SIK3: variants seen among roughly 807,000 people sequenced by gnomAD.
SIK3 encodes the protein serine/threonine-protein kinase SIK3.
A neutral mutation model predicts 144.2 loss-of-function variants in SIK3; 28 were observed. The ratio of observed to expected loss-of-function variants is 0.19; its 90% CI spans 0.14 to 0.27. The LOEUF (loss-of-function observed/expected upper bound fraction) is 0.27, where lower values mean the gene tolerates loss of function less well. Among genes scored for constraint, SIK3 ranks in the 10% least tolerant of loss-of-function variants. The pLI is 1.00. For missense variants in SIK3, 1,319 were observed against 1,776.0 expected (o/e 0.74, Z 4.62); for synonymous variants, 686 against 676.3 (o/e 1.01, Z -0.22).
In SIK3 at chr11:117,035,873, G is replaced by A. The variant is rs1052966147; in HGVS notation, c.273+62270C>T. 3.1e-6 allele frequency: 5 copies of A among 1,595,972 alleles called. No homozygotes were observed. The African/African-American group carries it at 6.7e-5, about 21-fold the overall frequency. ...TCCTGTAGGCTGGCAGAGGACAGTG[G>A]AGCAGCCAACACACAAAACTACCGT... On this transcript the variant is annotated intron_variant, in intron 1 of 24. Coordinates refer to ENST00000445177, the MANE Select transcript of SIK3 (RefSeq NM_001366686.3).
intron 1 of SIK3, among the ~76,000 whole-genome samples, chr11:117,060,921 T>C (rs1351725547): frequency 6.6e-6 from 1 of 152,164 alleles, no homozygotes; most frequent in East Asian, 1.9e-4. Flanking sequence ...CCGTACTTTC[T>C]GCTCAACTTT....
At chr11:116,891,891 G>A (rs892903114) in intron 6 of SIK3, among the ~76,000 whole-genome samples, 1 of 152,172 alleles carries the variant, frequency 6.6e-6, no homozygotes, top group Non-Finnish European at 1.5e-5. Flanking sequence ...GGGTTGAATT[G>A]ACAGGATTTG....
intron 4 of SIK3, 66 bp downstream of exon 4, chr11:116,927,153 C>T: frequency 1.7e-6 from 2 of 1,208,658 alleles, no homozygotes; most frequent in South Asian, 3.1e-5. Context: ...CAGATAATCC[C>T]TTGCTTATAG....
At chr11:117,058,223 T>C (rs1252609389) in intron 1 of SIK3, among the ~76,000 whole-genome samples, 5 of 152,032 alleles carry the variant, frequency 3.3e-5, no homozygotes, top group African/African-American at 7.2e-5. Flanking sequence ...CCTGTTAAAC[T>C]TAAGAATTTT....
intron 4 of SIK3, among the ~76,000 whole-genome samples, chr11:116,921,859 T>C (rs1246105849): frequency 6.6e-6 from 1 of 151,110 alleles, no homozygotes; most frequent in African/African-American, 2.4e-5. Context: ...GAAACAGAAC[T>C]AGAACAAAAA....
At chr11:117,084,212 GTC>G (rs1954908389) in intron 1 of SIK3, among the ~76,000 whole-genome samples, 1 of 152,106 alleles carries the variant, frequency 6.6e-6, no homozygotes, top group Non-Finnish European at 1.5e-5. Flanking sequence ...AATAACAGCT[GTC>G]TCTTACTCTT....
intron 4 of SIK3, among the ~76,000 whole-genome samples, chr11:116,906,338 GA>G (rs1235024035): frequency 6.6e-6 from 1 of 151,666 alleles, no homozygotes; most frequent in Admixed American, 6.6e-5. Flanking sequence ...GGTTTGGGAA[GA>G]AAAAAAATTA....
chr11:117,049,301 G>A (rs1377997625), intron 1 of SIK3, among the ~76,000 whole-genome samples: 3 of 152,094 alleles, frequency 2.0e-5, no homozygotes, highest in Admixed American at 6.5e-5. Flanking sequence ...TTTCCATCTG[G>A]ACGCAGTGGC....
intron 1 of SIK3, among the ~76,000 whole-genome samples, chr11:117,003,917 C>T (rs947826120): frequency 6.6e-6 from 1 of 152,106 alleles, no homozygotes; most frequent in Non-Finnish European, 1.5e-5. Flanking sequence ...TTAAAACAAA[C>T]AAACAAAAAA....
At chr11:116,955,195 C>T (rs1174926837) in intron 2 of SIK3, among the ~76,000 whole-genome samples, 2 of 152,022 alleles carry the variant, frequency 1.3e-5, no homozygotes, top group East Asian at 1.9e-4. Context: ...ATTAGGAGTT[C>T]GAGACCAGCC....
At chr11:117,092,136 T>C (rs547702455) in intron 1 of SIK3, among the ~76,000 whole-genome samples, 2 of 152,204 alleles carry the variant, frequency 1.3e-5, no homozygotes, top group African/African-American at 4.8e-5. Context: ...TGATACTCTC[T>C]GATGTCACCC....
intron 1 of SIK3, among the ~76,000 whole-genome samples, chr11:117,056,289 A>C (rs1342796052): frequency 6.6e-6 from 1 of 151,968 alleles, no homozygotes; most frequent in Non-Finnish European, 1.5e-5. Context: ...AAAATCAAAC[A>C]CCGCATGTTC....
At chr11:116,909,680 T>C (rs1946235746) in intron 4 of SIK3, among the ~76,000 whole-genome samples, 1 of 152,192 alleles carries the variant, frequency 6.6e-6, no homozygotes, top group Non-Finnish European at 1.5e-5. Flanking sequence ...GGCAGAGGTT[T>C]TTCTCACCAC....
At chr11:117,023,462 G>A (rs905147202) in intron 1 of SIK3, among the ~76,000 whole-genome samples, 44 of 148,490 alleles carry the variant, frequency 3.0e-4, no homozygotes, top group African/African-American at 1.1e-3. Context: ...GCTCAAGCTG[G>A]AATCACAATC....
intron 4 of SIK3, among the ~76,000 whole-genome samples, chr11:116,916,365 T>G (rs1401947681): frequency 6.6e-6 from 1 of 152,216 alleles, no homozygotes; most frequent in African/African-American, 2.4e-5. Flanking sequence ...TGATAAGGTA[T>G]ATTTCAGAAC....
chr11:116,897,046 G>T (rs1945447796), intron 5 of SIK3, 147 bp downstream of exon 5: 1 of 675,744 alleles, frequency 1.5e-6, no homozygotes, highest in Non-Finnish European at 2.2e-6. Context: ...AAAAAAAAAA[G>T]GCTTTGCACA....
chr11:117,095,646 G>A (rs1036482973), intron 1 of SIK3, among the ~76,000 whole-genome samples: 5 of 152,188 alleles, frequency 3.3e-5, no homozygotes, highest in African/African-American at 7.2e-5. Context: ...GTCCGCATTT[G>A]AGAACCCCTT....
chr11:117,067,172 TGTAAG>T (rs1158778435), intron 1 of SIK3, among the ~76,000 whole-genome samples: 8 of 152,206 alleles, frequency 5.3e-5, no homozygotes, highest in Admixed American at 2.6e-4. Flanking sequence ...GCCATTCCAC[TGTAAG>T]GTATTTACCT....
intron 1 of SIK3, among the ~76,000 whole-genome samples, chr11:117,058,886 G>A (rs954852070): frequency 1.3e-5 from 2 of 152,224 alleles, no homozygotes; most frequent in African/African-American, 4.8e-5. Context: ...CACAGCTGGA[G>A]ATCTGCATGG....
Sources: gnomAD v4.1 joint callset for allele counts (sites outside exome capture counted in the v4.1 genomes callset) on GRCh38, gnomAD v4.1.1 for gene constraint, MANE v1.5 for transcripts, NCBI Gene and HGNC (gene_info 2026-07-23, HGNC 2026-07-21) for gene names.